Variants in FHIT observed in about 807,000 individuals in gnomAD.
The protein encoded by FHIT is fragile histidine triad diadenosine triphosphatase.
FHIT carries 19 observed loss-of-function variants against 17.9 expected under a neutral mutation model. The observed-to-expected ratio is 1.06, with a 90% CI of 0.74 to 1.56. The LOEUF is 1.56. FHIT is among the 40% of genes most tolerant of loss of function. The pLI is 0.00. For synonymous variants in FHIT, 81 were observed against 69.7 expected, an observed-to-expected ratio of 1.16 and a Z score of -0.81; for missense variants, 248 against 189.2, an observed-to-expected ratio of 1.31 and a Z score of -1.82.
intron 5 of FHIT, among the ~76,000 whole-genome samples, chr3:60,020,679 A>G (rs1310121830): frequency 6.6e-6 from 1 of 152,208 alleles, no homozygotes; most frequent in Non-Finnish European, 1.5e-5. Flanking sequence ...ATAATTCATT[A>G]TTTGCTCTAA....
intron 4 of FHIT, among the ~76,000 whole-genome samples, chr3:60,565,904 A>G (rs186084724): frequency 0.011 from 1,711 of 152,260 alleles, 20 homozygotes; most frequent in Non-Finnish European, 0.011. Context: ...ATTTAGTGCT[A>G]TAAATTTCCC....
chr3:60,425,742 A>T (rs186091617), intron 5 of FHIT, among the ~76,000 whole-genome samples: 14 of 152,268 alleles, frequency 9.2e-5, no homozygotes, highest in Non-Finnish European at 1.9e-4. Flanking sequence ...TTACAGGCTA[A>T]GTAGTTAAAT....
chr3:61,052,153 T>C (rs1268469996), intron 2 of FHIT, among the ~76,000 whole-genome samples: 1 of 152,216 alleles, frequency 6.6e-6, no homozygotes, highest in Non-Finnish European at 1.5e-5. Flanking sequence ...AAGCAAATCA[T>C]GGTAAACATT....
At chr3:60,504,137 A>C (rs186761066) in intron 5 of FHIT, among the ~76,000 whole-genome samples, 8 of 152,256 alleles carry the variant, frequency 5.3e-5, no homozygotes, top group African/African-American at 1.9e-4. Context: ...TGTCAGTCAC[A>C]CTTAAAAAGA....
intron 7 of FHIT, among the ~76,000 whole-genome samples, chr3:59,929,547 G>A (rs1316113333): frequency 6.7e-6 from 1 of 150,264 alleles, no homozygotes; most frequent in Non-Finnish European, 1.5e-5. Flanking sequence ...ATTTTTTTTT[G>A]CATTTTTAGT....
chr3:61,187,476 A>C (rs970185809), intron 2 of FHIT, among the ~76,000 whole-genome samples: 1 of 152,206 alleles, frequency 6.6e-6, no homozygotes, highest in African/African-American at 2.4e-5. Context: ...CCACACAATA[A>C]TAATGGGAGA....
intron 5 of FHIT, among the ~76,000 whole-genome samples, chr3:60,047,885 T>C (rs979643800): frequency 7.2e-5 from 11 of 152,188 alleles, no homozygotes; most frequent in African/African-American, 2.4e-4. Context: ...AGCTATCTGA[T>C]GTATTTTAAA....
intron 4 of FHIT, among the ~76,000 whole-genome samples, chr3:60,819,009 A>G (rs945581011): frequency 6.8e-6 from 1 of 146,998 alleles, no homozygotes; most frequent in African/African-American, 2.5e-5. Flanking sequence ...GCTTCCAGGT[A>G]ATTTCTTTTT....
intron 4 of FHIT, among the ~76,000 whole-genome samples, chr3:60,703,083 C>T (rs1236594765): frequency 3.3e-5 from 5 of 152,108 alleles, no homozygotes; most frequent in South Asian, 2.1e-4. Flanking sequence ...GGGATTAGAG[C>T]GGCCCCTACC....
chr3:60,727,813 C>A (rs2041947700), intron 4 of FHIT, among the ~76,000 whole-genome samples: 1 of 152,124 alleles, frequency 6.6e-6, no homozygotes, highest in Non-Finnish European at 1.5e-5. Flanking sequence ...ACCATCCTGG[C>A]TAACATGGTG....
chr3:61,204,167 T>C (rs372836382), intron 1 of FHIT, among the ~76,000 whole-genome samples: 78 of 152,246 alleles, frequency 5.1e-4, no homozygotes, highest in African/African-American at 1.9e-3. Context: ...TTTTTGAATA[T>C]AAAGTATAAG....
At chr3:60,061,701 C>T (rs529620395) in intron 5 of FHIT, among the ~76,000 whole-genome samples, 1 of 152,230 alleles carries the variant, frequency 6.6e-6, no homozygotes, top group East Asian at 1.9e-4. Flanking sequence ...GGGTTCTTTG[C>T]TCAAAACATT....
chr3:60,792,487 T>C (rs573088837), intron 4 of FHIT, among the ~76,000 whole-genome samples: 4 of 152,220 alleles, frequency 2.6e-5, no homozygotes, highest in African/African-American at 7.2e-5. Context: ...ATAAATACTT[T>C]GAATATTACC....
intron 7 of FHIT, among the ~76,000 whole-genome samples, chr3:59,983,893 C>A (rs1708767542): frequency 6.6e-6 from 1 of 152,100 alleles, no homozygotes; most frequent in Non-Finnish European, 1.5e-5. Flanking sequence ...TTAATCCAGT[C>A]ATGAGGGAGG....
chr3:60,216,496 G>C (rs1312076272), intron 5 of FHIT, among the ~76,000 whole-genome samples: 2 of 152,096 alleles, frequency 1.3e-5, no homozygotes, highest in African/African-American at 2.4e-5. Flanking sequence ...GGGTAAGAGA[G>C]AATATTTGAA....
Position 60,373,461 on chromosome 3 carries a change from A to G in FHIT, c.103+163399T>C, listed in dbSNP as rs1315046031. Among the ~76,000 whole-genome samples the G allele has an allele frequency of 3.9e-5, 6 of 152,334 alleles. No individual in the cohort carries two copies. In the East Asian group the frequency reaches 9.7e-4, roughly 25 times the overall value. ...GGCACGATAGTGTGAGACTAGGCAGAGAATAAGCAGAGCCACCATCATAGG... is the reference window on the plus strand; with the variant it reads ...GGCACGATAGTGTGAGACTAGGCAGGGAATAAGCAGAGCCACCATCATAGG... On this transcript the variant is annotated intron_variant, in intron 5 of 9. Coordinates refer to ENST00000492590, the MANE Select transcript of FHIT (RefSeq NM_002012.4).
At chr3:60,169,955 C>T (rs1201207495) in intron 5 of FHIT, among the ~76,000 whole-genome samples, 1 of 152,174 alleles carries the variant, frequency 6.6e-6, no homozygotes, top group Non-Finnish European at 1.5e-5. Context: ...CCTGAAATGA[C>T]AATGTAGCAC....
intron 2 of FHIT, among the ~76,000 whole-genome samples, chr3:61,080,224 T>A (rs944820081): frequency 6.6e-6 from 1 of 152,182 alleles, no homozygotes; most frequent in Admixed American, 6.6e-5. Context: ...AGATCTAAGA[T>A]GTTCAGGTAA....
chr3:59,986,538 T>TAC (rs1427707266), intron 7 of FHIT, among the ~76,000 whole-genome samples: 3 of 11,386 alleles, frequency 2.6e-4, no homozygotes, highest in African/African-American at 9.1e-4. Context: ...TATATATATA[T>TAC]ATACACACAC....
Sources: gnomAD v4.1 joint callset for allele counts (sites outside exome capture counted in the v4.1 genomes callset) on GRCh38, gnomAD v4.1.1 for gene constraint, MANE v1.5 for transcripts, NCBI Gene and HGNC (gene_info 2026-07-23, HGNC 2026-07-21) for gene names.